A2M: variants seen among roughly 807,000 people sequenced by gnomAD.
A2M encodes the protein alpha-2-macroglobulin.
In A2M, 128 loss-of-function variants were observed where a neutral mutation model predicts 183.9. The ratio of observed to expected loss-of-function variants is 0.70; its 90% CI spans 0.60 to 0.81. The LOEUF (loss-of-function observed/expected upper bound fraction) is 0.81. A2M is among the 30% of genes least tolerant of loss of function. The pLI is 0.00. For missense variants in A2M, 1,495 were observed against 1,787.6 expected (o/e 0.84, Z 2.95); for synonymous variants, 592 against 670.8 (o/e 0.88, Z 1.81).
intron 22 of A2M, among the ~76,000 whole-genome samples, chr12:9,082,733 C>G (rs950233705): frequency 3.3e-5 from 5 of 152,062 alleles, no homozygotes; most frequent in Admixed American, 6.5e-5. Flanking sequence ...AAATCACTGA[C>G]AAAGAATTCA....
chr12:9,068,982 G>T, intron 33 of A2M, 140 bp from the exon 34 acceptor site: 1 of 550,652 alleles, frequency 1.8e-6, no homozygotes, highest in Non-Finnish European at 3.1e-6. Flanking sequence ...AAATTGTGCA[G>T]AAATCTCTCA....
At chr12:9,083,541 C>T (rs190399482) in intron 22 of A2M, among the ~76,000 whole-genome samples, 1 of 151,952 alleles carries the variant, frequency 6.6e-6, no homozygotes. Context: ...CAACAGCAGA[C>T]TTGATCAAGC....
At chr12:9,115,652 G>T in intron 1 of A2M, 112 bp downstream of exon 1, 1 of 774,714 alleles carries the variant, frequency 1.3e-6, no homozygotes, top group African/African-American at 1.8e-5. Context: ...AGGAATCTTA[G>T]AGATAAGAAG....
At chr12:9,089,624 C>T (rs1242375307) in intron 21 of A2M, among the ~76,000 whole-genome samples, 3 of 152,012 alleles carry the variant, frequency 2.0e-5, no homozygotes, top group Non-Finnish European at 4.4e-5. Context: ...ACCTGTAATC[C>T]CAGCTACTCA....
In A2M at chr12:9,095,619, G is replaced by T; in HGVS notation, c.1933C>A (p.Arg645Ser). 2 of 1,610,860 alleles carry T rather than the reference G, an allele frequency of 1.2e-6. No individual in the cohort carries two copies. The highest frequency in any genetic ancestry group is 1.7e-6 in the Non-Finnish European group (2 of 1,177,246). ...ATTCCATTAATATAGACATTATGACGATTGATGCAGTCTTCATTGTCCTGG... is the reference window on the plus strand; with the variant it reads ...ATTCCATTAATATAGACATTATGACTATTGATGCAGTCTTCATTGTCCTGG... ...NDQDNEDCIN[R>S]HNVYINGITY... The change falls in exon 16 of 36, where the codon CGT becomes AGT. Residue 645 changes from arginine (R) to serine (S), a missense_variant. Coordinates refer to ENST00000318602, the MANE Select transcript of A2M (RefSeq NM_000014.6).
rs761278079 is a variant in A2M, at chr12:9,095,667, C to T, written c.1885G>A (p.Gly629Ser). ...TGGTCATTCAAAGGCCCAGGGAAGC[C>T]AGTGAGGTCCTTTTCTGGTAGCAGG... ...YNLLPEKDLTGFPGPLNDQDN... is the reference protein window; with the variant it reads ...YNLLPEKDLTSFPGPLNDQDN... Residue 629 changes from glycine (G) to serine (S), a missense_variant, in exon 16 of 36, where the codon GGC (glycine) becomes AGC (serine). Gly to Ser is a moderately conservative substitution (Grantham distance 56). Transcript: ENST00000318602. 2 of 1,611,658 alleles carry T rather than the reference C, an allele frequency of 1.2e-6. No individual in the cohort carries two copies. The highest frequency in any genetic ancestry group is 1.3e-5 in the African/African-American group (1 of 74,418).
intron 2 of A2M, 118 bp downstream of exon 2, chr12:9,113,242 A>C (rs747141216): frequency 9.7e-7 from 1 of 1,031,108 alleles, no homozygotes. Flanking sequence ...AGTTTGCTAC[A>C]TTTGGATTCC....
chr12:9,108,027 A>C (rs1324799629), intron 7 of A2M, among the ~76,000 whole-genome samples: 2 of 152,202 alleles, frequency 1.3e-5, no homozygotes, highest in African/African-American at 4.8e-5. Flanking sequence ...AATACAAACT[A>C]TTAGTACGAT....
Position 9,115,757 on chromosome 12 carries a change from A to G in A2M, c.86+7T>C. 1 of 1,608,328 alleles carries G rather than the reference A, an allele frequency of 6.2e-7. No individual in the cohort carries two copies. The highest frequency in any genetic ancestry group is 1.1e-5 in the South Asian group (1 of 90,974). ...TTCATGCTTCACGCTCTCTGTGTGG[A>G]ACTCACGGTTTTCCAGAGACTGAGG... On this transcript the variant is annotated splice_region_variant and intron_variant, in intron 1 of 35. Transcript: ENST00000318602.
chr12:9,109,450 T>C, intron 6 of A2M, 45 bp from the exon 7 acceptor site: 1 of 1,472,514 alleles, frequency 6.8e-7, no homozygotes. Flanking sequence ...TTTTCAACTT[T>C]GGGGGAATTC....
At chr12:9,093,084 T>C (rs1369694027) in intron 18 of A2M, among the ~76,000 whole-genome samples, 13 of 151,990 alleles carry the variant, frequency 8.6e-5, no homozygotes, top group East Asian at 5.8e-4. Flanking sequence ...AGAAAGGTGG[T>C]TGGGGTTGCA....
At chr12:9,115,499 G>A in intron 1 of A2M, 1 of 353,228 alleles carries the variant, frequency 2.8e-6, no homozygotes, top group Non-Finnish European at 5.3e-6. Flanking sequence ...ATATGAATGT[G>A]AATATCTAAA....
In A2M at chr12:9,095,151, T is replaced by G. The variant is rs776563523; in HGVS notation, c.2014-67A>C. On this transcript the variant is annotated intron_variant, in intron 16 of 35. Transcript: ENST00000318602. ...AAAATATACATAGGTAGCTACTTCT[T>G]TTTATTGAATTTGACAAGCAATCCA... 6.2e-6 allele frequency: 5 copies of G among 804,008 alleles called. No homozygotes were observed. In the South Asian group the frequency reaches 1.2e-4, roughly 20 times the overall value. 49.8% of individuals were successfully genotyped at this position (804,008 alleles called of 1,614,324 possible). A position where few individuals can be genotyped will look rare whatever the true frequency, so the allele number is the denominator to read the frequency against.
intron 6 of A2M, 51 bp downstream of exon 6, chr12:9,109,816 G>A: frequency 1.6e-5 from 25 of 1,520,520 alleles, no homozygotes; most frequent in Non-Finnish European, 2.1e-5. Flanking sequence ...CAGGACCTAA[G>A]AGTTTAAATA....
At chr12:9,090,098 G>A in intron 20 of A2M, 75 bp from the exon 21 acceptor site, 4 of 1,545,298 alleles carry the variant, frequency 2.6e-6, no homozygotes, top group Non-Finnish European at 2.6e-6. Context: ...ATTTAGAAAT[G>A]TTCAATGCTC....
intron 18 of A2M, among the ~76,000 whole-genome samples, chr12:9,091,868 A>G (rs1483213436): frequency 6.6e-6 from 1 of 152,186 alleles, no homozygotes; most frequent in Admixed American, 6.5e-5. Flanking sequence ...CCTTATGCCC[A>G]TTTTCTGGAA....
intron 17 of A2M, among the ~76,000 whole-genome samples, chr12:9,094,353 A>C (rs1949305702): frequency 1.4e-5 from 2 of 143,082 alleles, no homozygotes; most frequent in Non-Finnish European, 3.0e-5. Flanking sequence ...ATATATATAT[A>C]TATATATATA....
intron 7 of A2M, among the ~76,000 whole-genome samples, chr12:9,109,008 C>T (rs572189621): frequency 1.3e-5 from 2 of 148,546 alleles, no homozygotes; most frequent in Non-Finnish European, 3.0e-5. Flanking sequence ...AACCAATACC[C>T]TTCAACACTA....
In A2M at chr12:9,074,758, A is replaced by G; in HGVS notation, c.3558T>C (p.Pro1186=). The G allele has an allele frequency of 2.5e-6, 4 of 1,613,232 alleles. No homozygotes were observed. The South Asian group carries it at 4.4e-5, about 18-fold the overall frequency. ...GCCCCACTGGTGCCTTGGGTTTCTG[A>G]GGGCGCTCCCAATGGACAGAGTTGT... The part of the protein sequence containing the change: ...KKDNSVHWER[P]QKPKAPVGHF... The change falls in exon 29 of 36, where the codon CCT becomes CCC. Residue 1186 remains proline, a synonymous_variant. Transcript: ENST00000318602.
Sources: allele counts gnomAD v4.1 joint callset (sites outside exome capture counted in the v4.1 genomes callset), GRCh38; gene constraint gnomAD v4.1.1; transcripts MANE v1.5; gene names NCBI Gene and HGNC (gene_info 2026-07-23, HGNC 2026-07-21).